FAM120C: variants seen among roughly 807,000 people sequenced by gnomAD.
FAM120C encodes the protein constitutive coactivator of PPAR-gamma-like protein 2.
In FAM120C, 14 loss-of-function variants were observed where a neutral mutation model predicts 71.2. That is an observed-to-expected ratio of 0.20 (90% CI 0.13 to 0.31). The LOEUF (loss-of-function observed/expected upper bound fraction) is 0.31. Ranked by LOEUF, FAM120C falls within the 10% of genes least tolerant of loss-of-function variation. The probability of loss-of-function intolerance (pLI) is 1.00; values close to 1 mark genes in which losing one functional copy is unlikely to be tolerated. For synonymous variants in FAM120C, 354 were observed against 353.2 expected, an observed-to-expected ratio of 1.00 and a Z score of -0.03; for missense variants, 500 against 879.0, an observed-to-expected ratio of 0.57 and a Z score of 5.45.
At chrX:54,174,364 T>C (rs1557136382) in intron 1 of FAM120C, among the ~76,000 whole-genome samples, 3 of 111,532 alleles carry the variant, frequency 2.7e-5, no homozygotes, top group African/African-American at 6.5e-5. Flanking sequence ...GTGGGACTCA[T>C]TGGGAGCCAC....
chrX:54,116,404 C>A (rs782339050), intron 10 of FAM120C, 141 bp downstream of exon 10: 1 of 632,070 alleles, frequency 1.6e-6, no homozygotes, highest in East Asian at 3.6e-5. Flanking sequence ...TCTGAACAAT[C>A]ATTTTCGGTG....
intron 3 of FAM120C, among the ~76,000 whole-genome samples, chrX:54,154,593 C>T (rs1241055099): frequency 4.8e-5 from 3 of 62,406 alleles, no homozygotes; most frequent in Admixed American, 2.8e-4. Context: ...GGCAACACAG[C>T]GAGACTCCAT....
rs782114436 is a variant in FAM120C at position 54,085,958 on chromosome X, G to T, written c.2638-42C>A. The stretch of plus-strand genomic sequence containing the variant: ...GTAATAATAGCAGCTGCCATTTTTC[G>T]AACTTGTCCCATGTTTTAGGCCCAG... On this transcript the variant is annotated intron_variant, in intron 12 of 15. Coordinates refer to ENST00000375180, the MANE Select transcript of FAM120C (RefSeq NM_017848.6). The T allele has an allele frequency of 5.3e-6, 6 of 1,138,944 alleles. No individual in the cohort carries two copies. The East Asian group carries it at 1.2e-4, about 23-fold the overall frequency. 93.9% of individuals were successfully genotyped at this position (1,138,944 alleles called of 1,213,427 possible).
At chrX:54,141,884 T>TA (rs1243723861) in intron 4 of FAM120C, among the ~76,000 whole-genome samples, 1 of 111,674 alleles carries the variant, frequency 9.0e-6, no homozygotes, top group Admixed American at 9.6e-5. Context: ...ATGAAATACT[T>TA]AAGTATAAAT....
intron 10 of FAM120C, among the ~76,000 whole-genome samples, chrX:54,094,083 CTTTTTTTTTT>C (rs35721972): frequency 8.9e-4 from 55 of 61,460 alleles, no homozygotes; most frequent in African/African-American, 3.3e-3. Context: ...TCCACGACTC[CTTTTTTTTTT>C]TTTTTTTTTT....
At position 54,175,071 on chromosome X, in the gene FAM120C, T is replaced by A. The variant is rs1007378186; in HGVS notation, c.699+7429A>T. Among the ~76,000 whole-genome samples, 10 of 111,518 alleles carry A rather than the reference T, an allele frequency of 9.0e-5. No homozygotes were observed. In the Admixed American group the frequency reaches 9.6e-4, roughly 11 times the overall value. On this transcript the variant is annotated intron_variant, in intron 1 of 15. Coordinates refer to ENST00000375180, the MANE Select transcript of FAM120C (RefSeq NM_017848.6). ...GGTAGGGTACCATGCTTTGTACCCC[T>A]GACTTCAACACTCCTTATCTCACTT... is the stretch of plus-strand genomic sequence containing the variant.
At chrX:54,100,801 C>G (rs2066878698) in intron 10 of FAM120C, among the ~76,000 whole-genome samples, 1 of 112,364 alleles carries the variant, frequency 8.9e-6, no homozygotes, top group African/African-American at 3.2e-5. Context: ...TCAGGTAGCC[C>G]TGTCTGTATG....
At chrX:54,164,114 T>C (rs2146640380) in intron 1 of FAM120C, among the ~76,000 whole-genome samples, 2 of 110,644 alleles carry the variant, frequency 1.8e-5, no homozygotes, top group East Asian at 5.7e-4. Context: ...GTATTTTTAG[T>C]AGAGACAGGG....
At chrX:54,128,723 A>G (rs2067042424) in intron 9 of FAM120C, among the ~76,000 whole-genome samples, 1 of 111,770 alleles carries the variant, frequency 8.9e-6, no homozygotes, top group South Asian at 3.8e-4. Context: ...AACATCTTGC[A>G]CCGCCCTTAA....
chrX:54,162,118 CAA>C (rs1328190632), intron 1 of FAM120C, among the ~76,000 whole-genome samples: 2 of 112,321 alleles, frequency 1.8e-5, no homozygotes, highest in Non-Finnish European at 3.8e-5. Context: ...AAGATTAGAA[CAA>C]AAGTCTCATG....
intron 4 of FAM120C, among the ~76,000 whole-genome samples, 180 bp downstream of exon 4, chrX:54,151,065 C>G (rs2067182424): frequency 9.0e-6 from 1 of 111,557 alleles, no homozygotes; most frequent in Non-Finnish European, 1.9e-5. Flanking sequence ...AGGTAAAGGG[C>G]ACTTTCAATC....
chrX:54,095,990 A>G (rs1032829768), intron 10 of FAM120C, among the ~76,000 whole-genome samples: 2 of 112,303 alleles, frequency 1.8e-5, no homozygotes, highest in African/African-American at 6.5e-5. Context: ...TTACAACTTT[A>G]TTCTATATAC....
Position 54,134,031 on chromosome X carries a change from T to C in FAM120C, c.1632A>G (p.Ala544=), listed in dbSNP as rs782517088. 32 of 1,208,093 alleles carry C rather than the reference T, an allele frequency of 2.6e-5. No individual in the cohort carries two copies. Among genetic ancestry groups the C allele is most frequent in the Middle Eastern group, 2.3e-4 (1 of 4,375 alleles). The change falls in exon 8 of 16, where the codon GCA becomes GCG. Residue 544 remains alanine (A), a synonymous_variant. Coordinates refer to ENST00000375180, the MANE Select transcript of FAM120C (RefSeq NM_017848.6). The stretch of plus-strand genomic sequence containing the variant: ...TTCCCCACTCAGGCTGGTGATGAAA[T>C]GCTTCTGTGATATGACTAAAAAATG... The part of the protein sequence containing the change: ...NGASSDHITE[A]FHHQPEWGNP...
At chrX:54,082,407 ACT>A (rs1268101872) in intron 13 of FAM120C, among the ~76,000 whole-genome samples, 1 of 108,816 alleles carries the variant, frequency 9.2e-6, no homozygotes, top group African/African-American at 3.4e-5. Flanking sequence ...AGCCTAAACT[ACT>A]CTTTTTTTTG....
At chrX:54,129,888 C>T (rs782002640) in intron 9 of FAM120C, among the ~76,000 whole-genome samples, 3 of 109,974 alleles carry the variant, frequency 2.7e-5, no homozygotes, top group South Asian at 7.9e-4. Context: ...GGCGTGGCGG[C>T]GCGCGCCTGC....
intron 4 of FAM120C, among the ~76,000 whole-genome samples, chrX:54,146,631 T>C (rs2067157842): frequency 8.9e-6 from 1 of 111,935 alleles, no homozygotes; most frequent in Non-Finnish European, 1.9e-5. Flanking sequence ...CAGTGAGCCA[T>C]GTTTGTGCCA....
intron 7 of FAM120C, 122 bp downstream of exon 7, chrX:54,134,709 G>C: frequency 1.3e-6 from 1 of 762,942 alleles, no homozygotes. Context: ...GCTTTCCTAA[G>C]AGCAAAACAC....
chrX:54,075,642 C>CA (rs1469834467), intron 15 of FAM120C, among the ~76,000 whole-genome samples: 1 of 108,057 alleles, frequency 9.3e-6, no homozygotes, highest in African/African-American at 3.4e-5. Context: ...ACTAAAAATA[C>CA]AAAAAAAGTA....
chrX:54,175,332 G>T (rs1026440571), intron 1 of FAM120C, among the ~76,000 whole-genome samples: 2 of 110,331 alleles, frequency 1.8e-5, no homozygotes, highest in African/African-American at 3.3e-5. Context: ...CACAGAACAG[G>T]TGCTCAAAAA....
Sources: gnomAD v4.1 joint callset for allele counts (sites outside exome capture counted in the v4.1 genomes callset) on GRCh38, gnomAD v4.1.1 for gene constraint, MANE v1.5 for transcripts, NCBI Gene and HGNC (gene_info 2026-07-23, HGNC 2026-07-21) for gene names.